The following LSAMP variants were observed in gnomAD, a reference collection of about 807,000 sequenced individuals.
LSAMP encodes the protein limbic system associated membrane protein.
A neutral mutation model predicts 38.6 loss-of-function variants in LSAMP; 7 were observed. The ratio of observed to expected loss-of-function variants is 0.18; its 90% CI spans 0.10 to 0.34. The LOEUF (loss-of-function observed/expected upper bound fraction) is 0.34, where lower values mean the gene tolerates loss of function less well. LSAMP is among the 10% of genes least tolerant of loss of function. LSAMP has a pLI of 1.00. For synonymous variants in LSAMP, 154 were observed against 166.8 expected (o/e 0.92, Z 0.59); for missense variants, 313 against 420.0 (o/e 0.75, Z 2.23).
At position 115,978,419 on chromosome 3, in the gene LSAMP, G is replaced by A. The variant is rs569136133; in HGVS notation, c.514+41096C>T. The stretch of plus-strand genomic sequence containing the variant: ...TAAGTTACCTGTTCTTCACCACCAA[G>A]ATCTTTAACATTCTAATCCAGTACT... On this transcript the variant is annotated intron_variant, in intron 3 of 6. Coordinates refer to ENST00000490035, the MANE Select transcript of LSAMP (RefSeq NM_002338.5). Among the ~76,000 whole-genome samples, 431 of 151,990 alleles carry A rather than the reference G, an allele frequency of 2.8e-3. 3 individuals are homozygous for A. The highest frequency in any genetic ancestry group is 5.7e-3 in the Admixed American group (87 of 15,254).
chr3:115,993,957 T>C (rs1372427817), intron 3 of LSAMP, among the ~76,000 whole-genome samples: 3 of 152,108 alleles, frequency 2.0e-5, no homozygotes, highest in African/African-American at 7.2e-5. Flanking sequence ...GGTTTGAACT[T>C]TGTTTGGAAG....
At chr3:116,426,787 T>G (rs2049202285) in intron 1 of LSAMP, among the ~76,000 whole-genome samples, 1 of 152,160 alleles carries the variant, frequency 6.6e-6, no homozygotes, top group South Asian at 2.1e-4. Flanking sequence ...AACAACATGG[T>G]GCTGTCAACA....
chr3:116,031,158 A>G (rs190941474), intron 2 of LSAMP, among the ~76,000 whole-genome samples: 11 of 152,288 alleles, frequency 7.2e-5, no homozygotes, highest in Admixed American at 6.5e-4. Context: ...GAAAGGACCC[A>G]TAAGTGAATA....
chr3:116,135,225 T>A (rs536027381), intron 1 of LSAMP, among the ~76,000 whole-genome samples: 1 of 152,264 alleles, frequency 6.6e-6, no homozygotes, highest in African/African-American at 2.4e-5. Context: ...ATTACAAACA[T>A]CACCATCCAT....
At chr3:116,142,971 A>G (rs1709406434) in intron 1 of LSAMP, among the ~76,000 whole-genome samples, 1 of 150,648 alleles carries the variant, frequency 6.6e-6, no homozygotes, top group Non-Finnish European at 1.5e-5. Context: ...ATTTTTTTCC[A>G]AAGTTTAACA....
At chr3:116,232,913 C>A (rs988304780) in intron 1 of LSAMP, among the ~76,000 whole-genome samples, 3 of 151,776 alleles carry the variant, frequency 2.0e-5, no homozygotes, top group Non-Finnish European at 4.4e-5. Context: ...ATTCTTTGGC[C>A]ATTTTAGTAA....
rs184291529 is a variant in LSAMP, at chr3:115,918,628, A to G, written c.515-66011T>C. ...TTTGGCTGAGTGATGATGAACTGCA[A>G]CTCTCAGTGGCTGCTTTGCTCAGAG... On this transcript the variant is annotated intron_variant, in intron 3 of 6. Transcript: ENST00000490035. Among the ~76,000 whole-genome samples the G allele has an allele frequency of 1.6e-3, 244 of 151,266 alleles. 2 individuals carry two copies. The highest frequency in any genetic ancestry group is 5.7e-3 in the African/African-American group (233 of 41,148).
At chr3:116,289,278 C>CATTTT (rs2047232073) in intron 1 of LSAMP, among the ~76,000 whole-genome samples, 1 of 152,166 alleles carries the variant, frequency 6.6e-6, no homozygotes, top group East Asian at 1.9e-4. Flanking sequence ...AACTGCTACA[C>CATTTT]ATTTTATTTT....
In LSAMP at chr3:115,806,167, C is replaced by T. The variant is rs1038569571; in HGVS notation, c.*4150G>A. 1 of 152,058 alleles carries T rather than the reference C, an allele frequency of 6.6e-6. No individual in the cohort carries two copies. Among genetic ancestry groups the T allele is most frequent in the East Asian group, 1.9e-4 (1 of 5,202 alleles). The allele number at this position is 152,058 out of a possible 1,614,324, so 9.4% of individuals were successfully genotyped here. On this transcript the variant is annotated 3_prime_UTR_variant, in exon 7 of 7. Coordinates refer to ENST00000490035, the MANE Select transcript of LSAMP (RefSeq NM_002338.5). ...TTCTTTTCGCCAAATAATTACAAAACGGAAAAAGTGGGGCTCTATGTCTTT... is the reference window on the plus strand; with the variant it reads ...TTCTTTTCGCCAAATAATTACAAAATGGAAAAAGTGGGGCTCTATGTCTTT...
chr3:116,302,914 C>T (rs1445070667), intron 1 of LSAMP, among the ~76,000 whole-genome samples: 1 of 152,174 alleles, frequency 6.6e-6, no homozygotes, highest in Non-Finnish European at 1.5e-5. Context: ...TAGTCATATA[C>T]ATTTTTGTCA....
At chr3:115,893,187 A>G (rs1936644680) in intron 3 of LSAMP, among the ~76,000 whole-genome samples, 1 of 151,816 alleles carries the variant, frequency 6.6e-6, no homozygotes, top group South Asian at 2.1e-4. Context: ...TAGGAGAAAC[A>G]CCTTATGTAG....
intron 1 of LSAMP, among the ~76,000 whole-genome samples, chr3:116,180,301 C>T (rs1023158579): frequency 1.3e-5 from 2 of 151,644 alleles, no homozygotes; most frequent in African/African-American, 4.8e-5. Context: ...AGGAAAGACA[C>T]ACAAAATACA....
intron 1 of LSAMP, among the ~76,000 whole-genome samples, chr3:116,385,579 T>A (rs1005498221): frequency 1.3e-5 from 2 of 152,180 alleles, no homozygotes; most frequent in African/African-American, 2.4e-5. Flanking sequence ...CTATTCTCTA[T>A]GCATCTTTGC....
At chr3:116,134,455 C>A (rs145502446) in intron 1 of LSAMP, among the ~76,000 whole-genome samples, 1 of 152,258 alleles carries the variant, frequency 6.6e-6, no homozygotes, top group East Asian at 1.9e-4. Flanking sequence ...AAAATAAAAT[C>A]CAAACTGTCA....
chr3:116,383,162 A>G (rs964969256), intron 1 of LSAMP, among the ~76,000 whole-genome samples: 1 of 152,042 alleles, frequency 6.6e-6, no homozygotes, highest in Non-Finnish European at 1.5e-5. Flanking sequence ...AAGAAAAACT[A>G]CTCTAGGAGA....
chr3:116,402,082 T>A (rs1305189788), intron 1 of LSAMP, among the ~76,000 whole-genome samples: 1 of 152,204 alleles, frequency 6.6e-6, no homozygotes, highest in Non-Finnish European at 1.5e-5. Context: ...ATAATACATT[T>A]CACTACACCA....
At position 115,928,847 on chromosome 3, in the gene LSAMP, T is replaced by G. The variant is rs955692679; in HGVS notation, c.515-76230A>C. Among the ~76,000 whole-genome samples the G allele has an allele frequency of 7.9e-5, 12 of 152,260 alleles. No homozygotes were observed. In the South Asian group the frequency reaches 8.3e-4, roughly 11 times the overall value. The stretch of plus-strand genomic sequence containing the variant: ...AGAGAAAATGGGAATTCTGAGGGAA[T>G]GTTAAGGTATTTTCATTTGAAATGC... On this transcript the variant is annotated intron_variant, in intron 3 of 6. Transcript: ENST00000490035.
At chr3:116,244,227 T>G (rs1352808542) in intron 1 of LSAMP, among the ~76,000 whole-genome samples, 2 of 152,214 alleles carry the variant, frequency 1.3e-5, no homozygotes, top group African/African-American at 4.8e-5. Context: ...CTTTCTCAAC[T>G]TCTCCAGCAA....
intron 3 of LSAMP, among the ~76,000 whole-genome samples, chr3:115,993,723 A>G (rs757275300): frequency 2.0e-4 from 30 of 152,114 alleles, no homozygotes; most frequent in Non-Finnish European, 2.5e-4. Context: ...TTTTAAGTAA[A>G]AAATGTGGTA....
Sources: gnomAD v4.1 joint callset for allele counts (sites outside exome capture counted in the v4.1 genomes callset) on GRCh38, gnomAD v4.1.1 for gene constraint, MANE v1.5 for transcripts, NCBI Gene and HGNC (gene_info 2026-07-23, HGNC 2026-07-21) for gene names.